The following ZNF567 variants were observed in gnomAD, a reference collection of about 807,000 sequenced individuals.
ZNF567 encodes zinc finger protein 567.
Under a neutral mutation model 53.9 loss-of-function variants are expected in ZNF567, and 36 were observed. The observed-to-expected ratio is 0.67, with a 90% CI of 0.51 to 0.88. The LOEUF is 0.88. Ranked by LOEUF, ZNF567 falls within the 40% of genes least tolerant of loss-of-function variation. The pLI is 0.00. For missense variants in ZNF567, 619 were observed against 764.7 expected, an observed-to-expected ratio of 0.81 and a Z score of 2.25; for synonymous variants, 224 against 260.4, an observed-to-expected ratio of 0.86 and a Z score of 1.35.
chr19:36,726,491 TG>T (rs796609051), downstream of ZNF567, among the ~76,000 whole-genome samples: 146 of 152,318 alleles, frequency 9.6e-4, no homozygotes, highest in African/African-American at 3.3e-3. Flanking sequence ...TACTGACACC[TG>T]GGTGGAAGTG....
At chr19:36,699,238 G>A (rs572746961) in intron 3 of ZNF567, among the ~76,000 whole-genome samples, 23 of 152,240 alleles carry the variant, frequency 1.5e-4, no homozygotes, top group Middle Eastern at 3.4e-3. Context: ...TTGTAGATAA[G>A]TGGCATTATT....
chr19:36,671,886 A>G, the ZNF567 span, among the ~76,000 whole-genome samples: 2 of 152,240 alleles, frequency 1.3e-5, no homozygotes, highest in African/African-American at 4.8e-5. Flanking sequence ...TTTAAGTGGT[A>G]TAAATGTGAT....
chr19:36,716,261 T>C (rs1282045189), intron 5 of ZNF567, among the ~76,000 whole-genome samples: 1 of 152,204 alleles, frequency 6.6e-6, no homozygotes, highest in Non-Finnish European at 1.5e-5. Context: ...TGTTCATGAA[T>C]GTAGGGTTTG....
At chr19:36,687,716 C>G (rs3108190) in intron 1 of ZNF567, 82 bp downstream of exon 1, 95,536 of 152,670 alleles carry the variant, frequency 0.63, 30,018 homozygotes, top group East Asian at 0.8. Context: ...GAGGCGGGAG[C>G]CTGGGCTGGG....
Position 36,714,596 on chromosome 19 carries a change from G to C in ZNF567, c.223+1729G>C, listed in dbSNP as rs535526953. On this transcript the variant is annotated intron_variant, in intron 5 of 5. Coordinates refer to ENST00000682579, the MANE Select transcript of ZNF567 (RefSeq NM_001322917.1). ...ACCTCGGCTTTGTTTTCTGTGCTAA[G>C]CTCCCCTTCTCACTACAAATTTAGC... The C allele has an allele frequency of 1.0e-5, 4 of 391,960 alleles. No individual in the cohort carries two copies. The East Asian group carries it at 1.4e-4, about 14-fold the overall frequency. 24.3% of individuals were successfully genotyped at this position (391,960 alleles called of 1,614,324 possible).
In ZNF567 at chr19:36,719,721, G is replaced by C. The variant is rs1341044571; in HGVS notation, c.997G>C (p.Gly333Arg). 1.9e-6 allele frequency: 3 copies of C among 1,614,042 alleles called. No individual in the cohort carries two copies. Among genetic ancestry groups the C allele is most frequent in the South Asian group, 2.2e-5 (2 of 91,072 alleles). Residue 333 changes from glycine (G) to arginine (R), a missense_variant, in exon 6 of 6, where the codon GGG becomes CGG. Coordinates refer to ENST00000682579, the MANE Select transcript of ZNF567 (RefSeq NM_001322917.1). ...ALTDHQRTHT[G>R]EKSYECLQCR... ...CACTGATCATCAGAGAACACACACA[G>C]GGGAGAAATCGTATGAATGTCTGCA... is the stretch of plus-strand genomic sequence containing the variant.
At chr19:36,687,033 T>C (rs1021720615), upstream of ZNF567, among the ~76,000 whole-genome samples, 4 of 152,152 alleles carry the variant, frequency 2.6e-5, no homozygotes, top group Non-Finnish European at 4.4e-5. Context: ...CACAGGCACA[T>C]TGGGGAGATC....
chr19:36,691,769 A>C (rs3108559), intron 2 of ZNF567, among the ~76,000 whole-genome samples: 1 of 151,970 alleles, frequency 6.6e-6, no homozygotes, highest in African/African-American at 2.4e-5. Flanking sequence ...CAATTAGTAA[A>C]CTGTAGCTGG....
At chr19:36,714,056 C>CT (rs1283506079) in intron 5 of ZNF567, among the ~76,000 whole-genome samples, 1 of 152,184 alleles carries the variant, frequency 6.6e-6, no homozygotes, top group Non-Finnish European at 1.5e-5. Flanking sequence ...TCTTTTAGAT[C>CT]TTTTTTATTA....
chr19:36,705,243 A>G (rs187848006), intron 3 of ZNF567, among the ~76,000 whole-genome samples: 85 of 152,080 alleles, frequency 5.6e-4, no homozygotes, highest in African/African-American at 1.8e-3. Flanking sequence ...TTTGGGTATA[A>G]TTAGCTCTTC....
the ZNF567 span, among the ~76,000 whole-genome samples, chr19:36,677,006 T>C: frequency 3.3e-5 from 5 of 149,310 alleles, no homozygotes; most frequent in Non-Finnish European, 7.4e-5. Flanking sequence ...AAATACAAAA[T>C]TAGCTGGGTA....
At chr19:36,686,376 G>GA (rs1022934959), upstream of ZNF567, 1 of 152,208 alleles carries the variant, frequency 6.6e-6, no homozygotes, top group African/African-American at 2.4e-5. Context: ...GGCTAAATTG[G>GA]AAAAAATTAT....
intron 3 of ZNF567, among the ~76,000 whole-genome samples, chr19:36,703,082 G>A (rs2039294834): frequency 6.6e-6 from 1 of 152,052 alleles, no homozygotes; most frequent in African/African-American, 2.4e-5. Context: ...TTTGATGATG[G>A]TGATGTACAG....
chr19:36,669,275 G>C, the ZNF567 span: 1 of 152,176 alleles, frequency 6.6e-6, no homozygotes, highest in Non-Finnish European at 1.5e-5. Context: ...GACAGTGAAG[G>C]GGTATGTGAT....
At chr19:36,726,982 T>TTCTCTTTC (rs375360156), downstream of ZNF567, 1 of 55,390 alleles carries the variant, frequency 1.8e-5, no homozygotes, top group African/African-American at 6.9e-5. Flanking sequence ...CTTTCTTTCT[T>TTCTCTTTC]TTTCTTTCTT....
chr19:36,669,070 G>T, the ZNF567 span: 1 of 152,082 alleles, frequency 6.6e-6, no homozygotes, highest in South Asian at 2.1e-4. Flanking sequence ...TGGTTATTAG[G>T]TGTTATAAGT....
chr19:36,669,375 G>C, the ZNF567 span: 1 of 152,186 alleles, frequency 6.6e-6, no homozygotes, highest in Admixed American at 6.5e-5. Flanking sequence ...GTTTAAATGT[G>C]ACATGAATTA....
At chr19:36,725,841 A>G (rs961097865), downstream of ZNF567, among the ~76,000 whole-genome samples, 1 of 152,154 alleles carries the variant, frequency 6.6e-6, no homozygotes, top group Non-Finnish European at 1.5e-5. Context: ...CAGAGATGGT[A>G]TCACCGTGTT....
chr19:36,726,976 C>CTTT (rs1485664402), downstream of ZNF567: 2 of 112,320 alleles, frequency 1.8e-5, no homozygotes, highest in African/African-American at 7.0e-5. Context: ...TTCTTTCTTT[C>CTTT]TTTCTTTTTC....
Sources: allele counts gnomAD v4.1 joint callset (sites outside exome capture counted in the v4.1 genomes callset), GRCh38; gene constraint gnomAD v4.1.1; transcripts MANE v1.5; gene names NCBI Gene and HGNC (gene_info 2026-07-23, HGNC 2026-07-21).